WDR83: variants seen among roughly 807,000 people sequenced by gnomAD.
WDR83 encodes the protein WD repeat domain-containing protein 83.
A neutral mutation model predicts 37.7 loss-of-function variants in WDR83; 37 were observed. That is an observed-to-expected ratio of 0.98 (90% CI 0.76 to 1.29). The LOEUF (loss-of-function observed/expected upper bound fraction) is 1.29, where lower values mean the gene tolerates loss of function less well. WDR83 is among the 50% of genes most tolerant of loss of function. The pLI is 0.00. For synonymous variants in WDR83, 174 were observed against 181.1 expected, an observed-to-expected ratio of 0.96 and a Z score of 0.31; for missense variants, 445 against 414.4, an observed-to-expected ratio of 1.07 and a Z score of -0.64.
chr19:12,668,786 G>A (rs1224515205), intron 2 of WDR83, among the ~76,000 whole-genome samples, 159 bp downstream of exon 2: 1 of 152,038 alleles, frequency 6.6e-6, no homozygotes, highest in Admixed American at 6.6e-5. Flanking sequence ...CTCTAGATAC[G>A]TGGTTTCTAG....
intron 1 of WDR83, chr19:12,668,281 G>A (rs2024310507): frequency 6.9e-7 from 1 of 1,448,524 alleles, no homozygotes; most frequent in Non-Finnish European, 9.5e-7. Context: ...GATGGCAGCT[G>A]AAGGCAGCAG....
chr19:12,669,399 G>A lies in WDR83; in HGVS notation c.-36-356G>A, dbSNP rs61742430. 3.8e-6 allele frequency: 6 copies of A among 1,597,110 alleles called. 1 individual carries two copies. In the Admixed American group the frequency reaches 1.0e-4, roughly 28 times the overall value. On this transcript the variant is annotated intron_variant, in intron 2 of 10. Coordinates refer to ENST00000418543, the MANE Select transcript of WDR83 (RefSeq NM_001099737.3). The stretch of plus-strand genomic sequence containing the variant: ...CCGTGGGTCCGACATATTGTTAGTG[G>A]ACATAGCGAGTCGAAGGCCAGATCA...
chr19:12,673,398 G>GAGGT, intron 10 of WDR83, 82 bp downstream of exon 10: 1 of 500,206 alleles, frequency 2.0e-6, no homozygotes, highest in Non-Finnish European at 3.7e-6. Context: ...TCCAGGGCCT[G>GAGGT]AAGGCTAGGA....
chr19:12,673,202 G>A lies in WDR83; in HGVS notation c.684G>A (p.Glu228=), dbSNP rs2024473495. The A allele has an allele frequency of 6.2e-7, 1 of 1,613,984 alleles. No homozygotes were observed. Among genetic ancestry groups the A allele is most frequent in the Non-Finnish European group, 8.5e-7 (1 of 1,179,986 alleles). The change falls in exon 10 of 11, where the codon GAG becomes GAA. Residue 228 remains glutamate (E), a splice_region_variant and synonymous_variant. Coordinates refer to ENST00000418543, the MANE Select transcript of WDR83 (RefSeq NM_001099737.3). ...LDKDTGELLG[E]YKGHKNQEYK... is the part of the protein sequence containing the mutation. Reference sequence around the variant, plus strand: ...GCCCCCCGATCCTGTCCACCCTTAGGTACAAGGGCCATAAGAACCAGGAAT... The same window carrying A: ...GCCCCCCGATCCTGTCCACCCTTAGATACAAGGGCCATAAGAACCAGGAAT...
intron 1 of WDR83, among the ~76,000 whole-genome samples, 191 bp downstream of exon 1, chr19:12,667,183 G>A (rs1250812768): frequency 6.6e-6 from 1 of 152,192 alleles, no homozygotes; most frequent in Non-Finnish European, 1.5e-5. Context: ...AATACCCCTG[G>A]AGTACCAGGG....
intron 6 of WDR83, 27 bp downstream of exon 6, chr19:12,670,638 C>A: frequency 6.2e-7 from 1 of 1,614,200 alleles, no homozygotes; most frequent in Non-Finnish European, 8.5e-7. Flanking sequence ...AGCACGGGGG[C>A]CCAGGGTGCT....
chr19:12,670,622 G>C lies in WDR83; in HGVS notation c.379+11G>C. ...CAGTTATCCTGTCCGGTGAGTCTGG[G>C]GCCTAAGCACGGGGGCCCAGGGTGC... On this transcript the variant is annotated intron_variant, in intron 6 of 10. Transcript: ENST00000418543. 1 of 1,614,218 alleles carries C rather than the reference G, an allele frequency of 6.2e-7. No homozygotes were observed. Among genetic ancestry groups the C allele is most frequent in the Non-Finnish European group, 8.5e-7 (1 of 1,180,044 alleles).
intron 10 of WDR83, among the ~76,000 whole-genome samples, chr19:12,674,822 A>G (rs2024523445): frequency 6.6e-6 from 1 of 152,146 alleles, no homozygotes; most frequent in Non-Finnish European, 1.5e-5. Flanking sequence ...GTGGTACAAG[A>G]AAAAGACTCC....
intron 5 of WDR83, 61 bp downstream of exon 5, chr19:12,670,346 G>A: frequency 6.4e-7 from 1 of 1,569,384 alleles, no homozygotes. Context: ...CGCATAGGTG[G>A]TGACACGGCC....
intron 10 of WDR83, among the ~76,000 whole-genome samples, chr19:12,674,985 G>T (rs1220225571): frequency 6.6e-6 from 1 of 152,010 alleles, no homozygotes; most frequent in East Asian, 1.9e-4. Context: ...ATGGTAGCGC[G>T]TGCCTGTAAT....
chr19:12,670,996 G>C, intron 7 of WDR83, 175 bp downstream of exon 7: 1 of 912,338 alleles, frequency 1.1e-6, no homozygotes. Context: ...AGGCACCATT[G>C]CACTCCATGC....
chr19:12,670,306 C>G, intron 5 of WDR83, 21 bp downstream of exon 5: 1 of 1,610,412 alleles, frequency 6.2e-7, no homozygotes, highest in Non-Finnish European at 8.5e-7. Flanking sequence ...GCCTGGAGAC[C>G]CTCATTTGAG....
At position 12,669,835 on chromosome 19, in the gene WDR83, G is replaced by A; in HGVS notation, c.45G>A (p.Gln15=). ...EPKPRPPELP[Q]KRLKTLDCGQ... is the part of the protein sequence containing the mutation. ...AGCCGCGGCCTCCAGAGCTGCCGCAGAAACGGTTGAAGACGCTGGACTGCG... is the reference window on the plus strand; with the variant it reads ...AGCCGCGGCCTCCAGAGCTGCCGCAAAAACGGTTGAAGACGCTGGACTGCG... Residue 15 remains glutamine (Q), a synonymous_variant, in exon 3 of 11, where the codon CAG becomes CAA. Transcript: ENST00000418543. 6.2e-7 allele frequency: 1 copy of A among 1,612,226 alleles called. No homozygotes were observed. The highest frequency in any genetic ancestry group is 8.5e-7 in the Non-Finnish European group (1 of 1,179,104).
At position 12,669,829 on chromosome 19, in the gene WDR83, G is replaced by C. The variant is rs200134941; in HGVS notation, c.39G>C (p.Leu13=). Residue 13 remains leucine, a synonymous_variant, in exon 3 of 11, where the codon CTG becomes CTC. Transcript: ENST00000418543. The part of the protein sequence containing the change: ...FPEPKPRPPE[L]PQKRLKTLDC... Reference sequence around the variant, plus strand: ...AGCCAAAGCCGCGGCCTCCAGAGCTGCCGCAGAAACGGTTGAAGACGCTGG... The same window carrying C: ...AGCCAAAGCCGCGGCCTCCAGAGCTCCCGCAGAAACGGTTGAAGACGCTGG... 2 of 1,612,030 alleles carry C rather than the reference G, an allele frequency of 1.2e-6. No individual in the cohort carries two copies. Among genetic ancestry groups the C allele is most frequent in the Non-Finnish European group, 1.7e-6 (2 of 1,178,978 alleles).
chr19:12,668,462 G>A (rs749901261), intron 1 of WDR83, 46 bp from the exon 2 acceptor site: 5 of 1,613,336 alleles, frequency 3.1e-6, no homozygotes, highest in South Asian at 1.1e-5. Flanking sequence ...AGGATGGCCA[G>A]GCTGGGGTCC....
In WDR83 at chr19:12,669,895, T is replaced by C; in HGVS notation, c.103+2T>C. The C allele has an allele frequency of 6.2e-7, 1 of 1,604,412 alleles. No homozygotes were observed. The highest frequency in any genetic ancestry group is 8.5e-7 in the Non-Finnish European group (1 of 1,172,950). On this transcript the variant is annotated splice_donor_variant, in intron 3 of 10. Transcript: ENST00000418543. LOFTEE classifies it high-confidence loss of function. ...CAGTGCGAGCCGTACGATTTAATGGTGAGCGCCTTCGTCTTCATTCCGGGT... is the reference window on the plus strand; with the variant it reads ...CAGTGCGAGCCGTACGATTTAATGGCGAGCGCCTTCGTCTTCATTCCGGGT...
At position 12,672,892 on chromosome 19, in the gene WDR83, G is replaced by C. The variant is rs775190995; in HGVS notation, c.552G>C (p.Gln184His). 5 of 1,597,516 alleles carry C rather than the reference G, an allele frequency of 3.1e-6. No homozygotes were observed. In the African/African-American group the frequency reaches 5.4e-5, roughly 17 times the overall value. ...RVRRYDLRMG[Q>H]LFSDYVGSPI... ...GACGCTATGACCTAAGGATGGGGCA[G>C]CTCTTCTCAGACTACGTGGGCAGTG... The change falls in exon 8 of 11, where the codon CAG becomes CAC. Residue 184 changes from glutamine to histidine, a missense_variant. By Grantham distance (24) the Gln-to-His change is conservative (BLOSUM62 0). Transcript: ENST00000418543.
chr19:12,672,646 A>G, intron 7 of WDR83: 1 of 603,490 alleles, frequency 1.7e-6, no homozygotes. Flanking sequence ...GAAGGACTCC[A>G]AGGGCTTGGA....
chr19:12,673,329 C>G lies in WDR83; in HGVS notation c.798+13C>G. ...GGACCTGGTGGAGGTGAGGTGCCCCCAGCCCTACTTCATACCTAGATGCCT... is the reference window on the plus strand; with the variant it reads ...GGACCTGGTGGAGGTGAGGTGCCCCGAGCCCTACTTCATACCTAGATGCCT... On this transcript the variant is annotated intron_variant, in intron 10 of 10. Coordinates refer to ENST00000418543, the MANE Select transcript of WDR83 (RefSeq NM_001099737.3). The G allele has an allele frequency of 1.2e-6, 2 of 1,608,750 alleles. No homozygotes were observed. The highest frequency in any genetic ancestry group is 1.3e-5 in the African/African-American group (1 of 74,866).
Sources: gnomAD v4.1 joint callset for allele counts (sites outside exome capture counted in the v4.1 genomes callset) on GRCh38, gnomAD v4.1.1 for gene constraint, MANE v1.5 for transcripts, NCBI Gene and HGNC (gene_info 2026-07-23, HGNC 2026-07-21) for gene names.